The following DNM1L variants were observed in gnomAD, a reference collection of about 807,000 sequenced individuals.
DNM1L encodes the protein dynamin 1L.
A neutral mutation model predicts 92.8 loss-of-function variants in DNM1L; 33 were observed. That is an observed-to-expected ratio of 0.36 (90% confidence interval 0.27 to 0.48). The LOEUF (loss-of-function observed/expected upper bound fraction) is 0.48, where lower values mean the gene tolerates loss of function less well. Ranked by LOEUF, DNM1L falls within the 20% of genes least tolerant of loss-of-function variation. DNM1L has a pLI of 0.99. For missense variants in DNM1L, 485 were observed against 888.8 expected (o/e 0.55, Z 5.78); for synonymous variants, 284 against 305.0 (o/e 0.93, Z 0.72).
At chr12:32,733,957 A>G (rs942821465) in intron 13 of DNM1L, 150 bp downstream of exon 13, 2 of 690,964 alleles carry the variant, frequency 2.9e-6, no homozygotes, top group East Asian at 5.4e-5. Flanking sequence ...AGGGGATTAC[A>G]TTGTTTTCTT....
chr12:32,696,507 G>A (rs1007582762), intron 1 of DNM1L, among the ~76,000 whole-genome samples: 3 of 151,966 alleles, frequency 2.0e-5, no homozygotes, highest in African/African-American at 7.3e-5. Flanking sequence ...AAGGCTGAGA[G>A]GAGAATCTAT....
chr12:32,709,518 C>T (rs1056507702), intron 4 of DNM1L: 3 of 152,168 alleles, frequency 2.0e-5, no homozygotes, highest in African/African-American at 7.2e-5. Context: ...ATATAATTTA[C>T]TTACCTAGCA....
intron 2 of DNM1L, among the ~76,000 whole-genome samples, chr12:32,705,000 GTTT>G (rs35375744): frequency 1.7e-5 from 2 of 118,866 alleles, no homozygotes; most frequent in Non-Finnish European, 1.7e-5. Flanking sequence ...CTCAGGCAAA[GTTT>G]TTTTTTTTTT....
chr12:32,727,506 A>G (rs201743814), intron 9 of DNM1L: 1 of 575,978 alleles, frequency 1.7e-6, no homozygotes. Flanking sequence ...GCGCTAAAAA[A>G]AGAGACCCTA....
chr12:32,716,166 C>T (rs894061465), intron 6 of DNM1L, among the ~76,000 whole-genome samples: 1 of 150,642 alleles, frequency 6.6e-6, no homozygotes, highest in Non-Finnish European at 1.5e-5. Flanking sequence ...TATCTGATTT[C>T]GTTTATATAA....
In DNM1L at chr12:32,697,854, A is replaced by G. The variant is rs143234059; in HGVS notation, c.103-3561A>G. Among the ~76,000 whole-genome samples the G allele has an allele frequency of 7.9e-3, 1,207 of 152,342 alleles. 20 individuals carry two copies. Among genetic ancestry groups the G allele is most frequent in the African/African-American group, 0.026 (1,090 of 41,576 alleles). ...AAAATCAGCAAAATATTTGGCCAAT[A>G]AAATCAATTTAATAGTCATTTGGAA... On this transcript the variant is annotated intron_variant, in intron 1 of 19. Transcript: ENST00000549701.
rs536282839 is a variant in DNM1L at position 32,685,188 on chromosome 12, C to T, written c.102+5723C>T. Among the ~76,000 whole-genome samples the T allele has an allele frequency of 3.9e-5, 6 of 152,154 alleles. No homozygotes were observed. The South Asian group carries it at 6.2e-4, about 16-fold the overall frequency. Reference sequence around the variant, plus strand: ...TCCTCACCTCGTGATCCACCCGCCTCGGCCTCCCAAAGTGCTGGGATTACA... The same window carrying T: ...TCCTCACCTCGTGATCCACCCGCCTTGGCCTCCCAAAGTGCTGGGATTACA... On this transcript the variant is annotated intron_variant, in intron 1 of 19. Coordinates refer to ENST00000549701, the MANE Select transcript of DNM1L (RefSeq NM_012062.5).
intron 2 of DNM1L, among the ~76,000 whole-genome samples, chr12:32,702,700 G>A (rs1051812814): frequency 6.6e-6 from 1 of 151,188 alleles, no homozygotes; most frequent in Admixed American, 6.6e-5. Flanking sequence ...TTTTTTAATG[G>A]GGAAAAAAAA....
At chr12:32,721,706 G>A (rs10844317) in intron 8 of DNM1L, among the ~76,000 whole-genome samples, 2 of 151,852 alleles carry the variant, frequency 1.3e-5, no homozygotes, top group South Asian at 4.2e-4. Flanking sequence ...TAGTGTCAGC[G>A]CCCACAGGTT....
intron 19 of DNM1L, 140 bp downstream of exon 19, chr12:32,742,888 CTTTT>C (rs36039451): frequency 0.018 from 4,362 of 242,996 alleles, no homozygotes; most frequent in Middle Eastern, 0.03. Flanking sequence ...TGATAAGAAT[CTTTT>C]TTTTTTTTTT....
At chr12:32,726,789 C>A in intron 9 of DNM1L, 1 of 621,654 alleles carries the variant, frequency 1.6e-6, no homozygotes, top group Non-Finnish European at 2.9e-6. Context: ...GCCCCCTGTA[C>A]AACCCATAAT....
At chr12:32,737,591 A>G (rs1954981166) in intron 14 of DNM1L, 1 of 451,376 alleles carries the variant, frequency 2.2e-6, no homozygotes, top group African/African-American at 2.0e-5. Flanking sequence ...TTTTACCTTG[A>G]ATTCTTTGCC....
chr12:32,723,619 G>A (rs1486194696), intron 9 of DNM1L, among the ~76,000 whole-genome samples: 2 of 150,566 alleles, frequency 1.3e-5, no homozygotes, highest in Non-Finnish European at 3.0e-5. Context: ...GCTTGAACCC[G>A]TGAGGCGGAG....
intron 12 of DNM1L, chr12:32,732,579 GT>G: frequency 2.2e-6 from 1 of 455,912 alleles, no homozygotes; most frequent in South Asian, 1.5e-5. Flanking sequence ...CCCCGTGGAG[GT>G]TTACTAAGAG....
intron 1 of DNM1L, chr12:32,680,082 C>A: frequency 6.8e-6 from 6 of 879,426 alleles, no homozygotes; most frequent in Non-Finnish European, 8.2e-6. Flanking sequence ...AAACGTGTAT[C>A]TAGAGTTCTG....
intron 1 of DNM1L, among the ~76,000 whole-genome samples, chr12:32,699,358 A>G (rs1211810308): frequency 6.6e-6 from 1 of 152,226 alleles, no homozygotes; most frequent in Non-Finnish European, 1.5e-5. Context: ...AATACTTATT[A>G]TGGATAAAGA....
At position 32,745,637 on chromosome 12, in the gene DNM1L, A is replaced by G. The variant is rs530134523; in HGVS notation, c.*2227A>G. On this transcript the variant is annotated 3_prime_UTR_variant, in exon 20 of 20. Transcript: ENST00000549701. ...TTTAATACCTAATCTACTTTGGAAC[A>G]TAACCGTATAGAGTACGAAAAATTT... 1 of 152,484 alleles carries G rather than the reference A, an allele frequency of 6.6e-6. No homozygotes were observed. The highest frequency in any genetic ancestry group is 1.9e-4 in the East Asian group (1 of 5,200). 9.4% of individuals were successfully genotyped at this position (152,484 alleles called of 1,614,324 possible).
chr12:32,730,259 G>C (rs1168512223), intron 9 of DNM1L, among the ~76,000 whole-genome samples: 1 of 152,252 alleles, frequency 6.6e-6, no homozygotes, highest in Non-Finnish European at 1.5e-5. Context: ...AGCTACTTGG[G>C]AGGCTGAGGC....
Position 32,701,547 on chromosome 12 carries a change from A to G in DNM1L, c.235A>G (p.Thr79Ala), listed in dbSNP as rs952149887. ...TTCACAAGAAGATAAACGGAAAACA[A>G]CAGGAGAAGAAAATGGTAAATTTCA... ...HVSQEDKRKT[T>A]GEENGVEAEE... The change falls in exon 2 of 20, where the codon ACA becomes GCA. Residue 79 changes from threonine (T) to alanine (A), a missense_variant. Around this residue, in one of 11 missense-constraint regions of DNM1L, gnomAD observed 159 missense variants for 275.9 expected, o/e 0.58. Transcript: ENST00000549701. 1 of 1,613,822 alleles carries G rather than the reference A, an allele frequency of 6.2e-7. No individual in the cohort carries two copies.
Sources: gnomAD v4.1 joint callset for allele counts (sites outside exome capture counted in the v4.1 genomes callset) on GRCh38, gnomAD v4.1.1 for gene constraint, gnomAD v4.1.1 regional missense constraint, MANE v1.5 for transcripts, NCBI Gene and HGNC (gene_info 2026-07-23, HGNC 2026-07-21) for gene names.